Variants in ARMC7 observed in about 807,000 individuals in gnomAD.
ARMC7 encodes armadillo repeat-containing protein 7.
A neutral mutation model predicts 14.8 loss-of-function variants in ARMC7; 9 were observed. The observed-to-expected ratio is 0.61, with a 90% CI of 0.37 to 1.06. ARMC7 has a LOEUF of 1.06. Ranked by LOEUF, ARMC7 falls within the 50% of genes least tolerant of loss-of-function variation. The pLI is 0.01. For missense variants in ARMC7, 262 were observed against 267.1 expected, an observed-to-expected ratio of 0.98 and a Z score of 0.13; for synonymous variants, 125 against 123.4, an observed-to-expected ratio of 1.01 and a Z score of -0.09.
intron 2 of ARMC7, among the ~76,000 whole-genome samples, chr17:75,113,506 C>G (rs1022013858): frequency 2.0e-5 from 3 of 151,716 alleles, no homozygotes; most frequent in African/African-American, 7.3e-5. Context: ...AGGCGCCCCC[C>G]CACCAGGCCC....
rs1425329403 is a variant in ARMC7, at chr17:75,110,540, C to T, written c.169C>T (p.Gln57Ter). 3 of 1,614,262 alleles carry T rather than the reference C, an allele frequency of 1.9e-6. No individual in the cohort carries two copies. Among genetic ancestry groups the T allele is most frequent in the South Asian group, 2.2e-5 (2 of 91,088 alleles). Reference protein sequence around the residue: ...PSNYEYLRQLQVLDLFLDSLS... With the variant: ...PSNYEYLRQL ...CAACTACGAGTATCTGCGGCAGCTGCAGGTCCTGGATTTATTTCTCGATTC... is the reference window on the plus strand; with the variant it reads ...CAACTACGAGTATCTGCGGCAGCTGTAGGTCCTGGATTTATTTCTCGATTC... Residue 57 changes from glutamine to a stop codon, truncating the protein, a stop_gained, in exon 2 of 3, where the codon CAG becomes TAG. Transcript: ENST00000245543. LOFTEE classifies it high-confidence loss of function.
intron 2 of ARMC7, among the ~76,000 whole-genome samples, chr17:75,126,743 C>T (rs1037865070): frequency 2.0e-5 from 3 of 151,816 alleles, no homozygotes; most frequent in Non-Finnish European, 2.9e-5. Flanking sequence ...AACCATGCCC[C>T]GCTAATCACA....
Position 75,129,549 on chromosome 17 carries a change from CA to C in ARMC7, c.*512del, listed in dbSNP as rs2074085073. ...GGCTCTGGAGGATGGATGCCTCCCCCAGGGGCTCTCCAAGCTGGGCATTTGG... is the reference window on the plus strand; with the variant it reads ...GGCTCTGGAGGATGGATGCCTCCCCCGGGGCTCTCCAAGCTGGGCATTTGG... On this transcript the variant is annotated 3_prime_UTR_variant, in exon 3 of 3. Coordinates refer to ENST00000245543, the MANE Select transcript of ARMC7 (RefSeq NM_024585.4). 1 of 153,912 alleles carries C rather than the reference CA, an allele frequency of 6.5e-6. No homozygotes were observed. Among genetic ancestry groups the C allele is most frequent in the African/African-American group, 2.4e-5 (1 of 41,444 alleles). The allele number at this position is 153,912 out of a possible 1,614,324, so 9.5% of individuals were successfully genotyped here.
chr17:75,127,575 T>A (rs1381718273), intron 2 of ARMC7, among the ~76,000 whole-genome samples: 1 of 151,964 alleles, frequency 6.6e-6, no homozygotes, highest in Non-Finnish European at 1.5e-5. Flanking sequence ...GCTGGGATTA[T>A]AGGCGTGAGC....
At position 75,126,587 on chromosome 17, in the gene ARMC7, G is replaced by T. The variant is rs1388859062; in HGVS notation, c.236-2090G>T. Among the ~76,000 whole-genome samples, 94 of 143,684 alleles carry T rather than the reference G, an allele frequency of 6.5e-4. 1 individual carries two copies. The highest frequency in any genetic ancestry group is 2.2e-4 in the South Asian group (1 of 4,576). The allele number at this position is 143,684 out of a possible 152,430, so 94.3% of individuals were successfully genotyped here. A position where few individuals can be genotyped will look rare whatever the true frequency, so the allele number is the denominator to read the frequency against. ...CACAATACATTGTTTTTTTGTTTTT[G>T]TTTTTTTTTTTTGAGATGGAGTTTC... is the stretch of plus-strand genomic sequence containing the variant. On this transcript the variant is annotated intron_variant, in intron 2 of 2. Transcript: ENST00000245543.
chr17:75,119,471 C>T (rs1461448154), intron 2 of ARMC7, among the ~76,000 whole-genome samples: 1 of 109,752 alleles, frequency 9.1e-6, no homozygotes, highest in East Asian at 2.5e-4. Flanking sequence ...TTTTTTGAGA[C>T]GGAGTTTCGC....
chr17:75,114,526 C>T, intron 2 of ARMC7: 1 of 392,396 alleles, frequency 2.5e-6, no homozygotes, highest in Non-Finnish European at 4.5e-6. Flanking sequence ...CAGCTGATTC[C>T]TAGAAGCTGA....
At chr17:75,112,072 C>A (rs1400796166) in intron 2 of ARMC7, among the ~76,000 whole-genome samples, 2 of 147,514 alleles carry the variant, frequency 1.4e-5, no homozygotes, top group Non-Finnish European at 2.9e-5. Context: ...CAGTTTTGGC[C>A]ATCATGAGAA....
At position 75,111,510 on chromosome 17, in the gene ARMC7, G is replaced by A. The variant is rs115002591; in HGVS notation, c.235+904G>A. Among the ~76,000 whole-genome samples the A allele has an allele frequency of 3.9e-3, 595 of 151,036 alleles. 5 individuals are homozygous for A. Among genetic ancestry groups the A allele is most frequent in the African/African-American group, 0.014 (566 of 41,044 alleles). On this transcript the variant is annotated intron_variant, in intron 2 of 2. Transcript: ENST00000245543. ...TTTAATCTCAGCACTTTGTGAGGCC[G>A]AAGCAGGGAGATCACTTGAGTTCCG... is the stretch of plus-strand genomic sequence containing the variant.
chr17:75,111,430 T>C (rs117025375), intron 2 of ARMC7, among the ~76,000 whole-genome samples: 5,462 of 150,626 alleles, frequency 0.036, 130 homozygotes, highest in African/African-American at 0.069. Flanking sequence ...TGGGCAACAG[T>C]GAGACTCTGT....
chr17:75,110,334 T>C lies in ARMC7; in HGVS notation c.46T>C (p.Tyr16His). 6.2e-7 allele frequency: 1 copy of C among 1,613,914 alleles called. No individual in the cohort carries two copies. The highest frequency in any genetic ancestry group is 1.3e-5 in the African/African-American group (1 of 75,058). ...GGACCCCCACGTCGGGCGGCTGGGA[T>C]ACCTGCAGGCGCTGGTCACGGAATT... ...KVDPHVGRLG[Y>H]LQALVTEFQE... The change falls in exon 1 of 3, where the codon TAC (tyrosine) becomes CAC (histidine). Residue 16 changes from tyrosine (Y) to histidine (H), a missense_variant. By Grantham distance (83) the Tyr-to-His change is moderately conservative. Coordinates refer to ENST00000245543, the MANE Select transcript of ARMC7 (RefSeq NM_024585.4).
intron 2 of ARMC7, among the ~76,000 whole-genome samples, chr17:75,120,455 G>A (rs1598168607): frequency 6.6e-6 from 1 of 152,108 alleles, no homozygotes; most frequent in Non-Finnish European, 1.5e-5. Context: ...TCTCTGTCTT[G>A]TGCAGAGCAT....
Position 75,110,138 on chromosome 17 carries a change from T to C in ARMC7, c.-151T>C. 1.5e-6 allele frequency: 1 copy of C among 689,354 alleles called. No homozygotes were observed. The highest frequency in any genetic ancestry group is 1.9e-5 in the South Asian group (1 of 52,300). 42.7% of individuals were successfully genotyped at this position (689,354 alleles called of 1,614,324 possible). A position where few individuals can be genotyped will look rare whatever the true frequency, so the allele number is the denominator to read the frequency against. On this transcript the variant is annotated 5_prime_UTR_variant, in exon 1 of 3. Transcript: ENST00000245543. ...TATCCCATTTCCAGCTGCAAATTACTGCAGAATCTGAACCCAGGAAAGAAA... is the reference window on the plus strand; with the variant it reads ...TATCCCATTTCCAGCTGCAAATTACCGCAGAATCTGAACCCAGGAAAGAAA...
At chr17:75,125,137 G>A (rs1477994661) in intron 2 of ARMC7, among the ~76,000 whole-genome samples, 1 of 152,194 alleles carries the variant, frequency 6.6e-6, no homozygotes, top group Non-Finnish European at 1.5e-5. Flanking sequence ...TCCCTCAGAT[G>A]TGTCCTGCCT....
At chr17:75,128,641 G>A (rs1430300054) in intron 2 of ARMC7, 36 bp from the exon 3 acceptor site, 1 of 1,582,554 alleles carries the variant, frequency 6.3e-7, no homozygotes, top group Non-Finnish European at 8.6e-7. Context: ...GAGGCCCGGG[G>A]CTACAGCATC....
chr17:75,127,980 GC>G (rs1167407317), intron 2 of ARMC7, among the ~76,000 whole-genome samples: 1 of 152,124 alleles, frequency 6.6e-6, no homozygotes, highest in Non-Finnish European at 1.5e-5. Context: ...ATAAATTTTG[GC>G]ATAAGTATAT....
rs566435172 is a variant in ARMC7 at position 75,129,888 on chromosome 17, C to G, written c.*850C>G. The G allele has an allele frequency of 2.0e-5, 3 of 152,808 alleles. No individual in the cohort carries two copies. The highest frequency in any genetic ancestry group is 2.0e-4 in the Admixed American group (3 of 15,322). 9.5% of individuals were successfully genotyped at this position (152,808 alleles called of 1,614,324 possible). ...CCAGAAGTGTATCCCACGAGGGCATCAGGGACGCAGTGAGTGTTGCTCAAG... is the reference window on the plus strand; with the variant it reads ...CCAGAAGTGTATCCCACGAGGGCATGAGGGACGCAGTGAGTGTTGCTCAAG... On this transcript the variant is annotated 3_prime_UTR_variant, in exon 3 of 3. Transcript: ENST00000245543.
rs139630464 is a variant in ARMC7 at position 75,129,040 on chromosome 17, C to G, written c.*2C>G. On this transcript the variant is annotated 3_prime_UTR_variant, in exon 3 of 3. Transcript: ENST00000245543. The stretch of plus-strand genomic sequence containing the variant: ...AGCGTGGCCCCACGGCAGCGCTGAT[C>G]CATGGAGACTGCGAGACCGTGGCAC... 26 of 1,591,518 alleles carry G rather than the reference C, an allele frequency of 1.6e-5. No homozygotes were observed. The African/African-American group carries it at 3.3e-4, about 20-fold the overall frequency.
intron 2 of ARMC7, among the ~76,000 whole-genome samples, chr17:75,121,495 C>T (rs2145128963): frequency 6.6e-6 from 1 of 152,282 alleles, no homozygotes. Flanking sequence ...CTTGCTGCAA[C>T]CTCCGCCTCC....
Sources: allele counts gnomAD v4.1 joint callset (sites outside exome capture counted in the v4.1 genomes callset), GRCh38; gene constraint gnomAD v4.1.1; transcripts MANE v1.5; gene names NCBI Gene and HGNC (gene_info 2026-07-23, HGNC 2026-07-21).